The following SLC26A7 variants were observed in gnomAD, a reference collection of about 807,000 sequenced individuals.
SLC26A7 encodes the protein solute carrier family 26 member 7, also known as anion exchange transporter.
In SLC26A7, 59 loss-of-function variants were observed where a neutral mutation model predicts 82.5. The ratio of observed to expected loss-of-function variants is 0.72; its 90% CI spans 0.58 to 0.89. The LOEUF (loss-of-function observed/expected upper bound fraction) is 0.89, where lower values mean the gene tolerates loss of function less well. SLC26A7 is among the 40% of genes least tolerant of loss of function. The pLI is 0.00. For synonymous variants in SLC26A7, 271 were observed against 274.3 expected (o/e 0.99, Z 0.12); for missense variants, 820 against 793.0 (o/e 1.03, Z -0.41).
intron 11 of SLC26A7, among the ~76,000 whole-genome samples, chr8:91,359,501 G>A (rs1344186240): frequency 1.3e-5 from 2 of 152,178 alleles, no homozygotes; most frequent in Non-Finnish European, 2.9e-5. Context: ...CTCCTACTTA[G>A]ACGTGATAGT....
chr8:91,387,696 T>C lies in SLC26A7; in HGVS notation c.1676-1642T>C, dbSNP rs4624989. ...TCTTCCCTGATTACTCCAAAGAGAC[T>C]ACTCTGTTTTGTAAATTCACATTTT... On this transcript the variant is annotated intron_variant, in intron 15 of 18. Coordinates refer to ENST00000276609, the MANE Select transcript of SLC26A7 (RefSeq NM_052832.4). Among the ~76,000 whole-genome samples the C allele has an allele frequency of 7.7e-3, 1,180 of 152,354 alleles. 11 individuals are homozygous for C. Among genetic ancestry groups the C allele is most frequent in the African/African-American group, 0.026 (1,098 of 41,570 alleles).
At chr8:91,329,961 A>G (rs1225525588) in intron 5 of SLC26A7, among the ~76,000 whole-genome samples, 1 of 152,152 alleles carries the variant, frequency 6.6e-6, no homozygotes, top group Admixed American at 6.6e-5. Flanking sequence ...GTTATCATCC[A>G]CAACATAGAG....
At chr8:91,257,183 T>C (rs951989752) in intron 2 of SLC26A7, among the ~76,000 whole-genome samples, 2 of 152,138 alleles carry the variant, frequency 1.3e-5, no homozygotes, top group African/African-American at 2.4e-5. Context: ...CCCTGCTACA[T>C]AGAGTAGCTT....
At position 91,234,791 on chromosome 8, in the gene SLC26A7, C is replaced by CCCTCCCTA. The variant is rs1810363761; in HGVS notation, c.-33-14825_-33-14824insCCCTACCT. 2.0e-4 allele frequency among the ~76,000 whole-genome samples: 24 copies of CCCTCCCTA among 121,528 alleles called. No individual in the cohort carries two copies. The Middle Eastern group carries it at 0.015, about 78-fold the overall frequency. 79.7% of individuals were successfully genotyped at this position (121,528 alleles called of 152,430 possible). On this transcript the variant is annotated intron_variant, in intron 2 of 5. Transcript: ENST00000522862. ...TCCTTCCTTCCTTCCTTCCCTCCCT[C>CCCTCCCTA]CCTACCTACCTACCTACCTACCTAC...
At chr8:91,356,673 G>T (rs1357297577) in intron 11 of SLC26A7, among the ~76,000 whole-genome samples, 1 of 152,150 alleles carries the variant, frequency 6.6e-6, no homozygotes, top group Non-Finnish European at 1.5e-5. Flanking sequence ...CTCCCATTTT[G>T]TAGGTTGTCT....
chr8:91,305,882 A>G (rs1291458246), intron 4 of SLC26A7, among the ~76,000 whole-genome samples: 1 of 152,108 alleles, frequency 6.6e-6, no homozygotes, highest in Non-Finnish European at 1.5e-5. Flanking sequence ...TTATACCAAC[A>G]CTTTAAATGG....
rs536921615 is a variant in SLC26A7, at chr8:91,328,644, T to C, written c.643-5651T>C. Among the ~76,000 whole-genome samples, 5 of 152,256 alleles carry C rather than the reference T, an allele frequency of 3.3e-5. No homozygotes were observed. In the East Asian group the frequency reaches 9.6e-4, roughly 29 times the overall value. ...TTCATTCAACAAAATTTATTGAGTATCTACTTTTTTCCCAGACACCATTCT... is the reference window on the plus strand; with the variant it reads ...TTCATTCAACAAAATTTATTGAGTACCTACTTTTTTCCCAGACACCATTCT... On this transcript the variant is annotated intron_variant, in intron 5 of 18. Coordinates refer to ENST00000276609, the MANE Select transcript of SLC26A7 (RefSeq NM_052832.4).
At chr8:91,375,907 A>G (rs527269145) in intron 15 of SLC26A7, among the ~76,000 whole-genome samples, 1 of 151,624 alleles carries the variant, frequency 6.6e-6, no homozygotes, top group Admixed American at 6.6e-5. Flanking sequence ...CATAATTTCA[A>G]ATTTCTTAAA....
chr8:91,257,041 T>C (rs1220711917), intron 2 of SLC26A7, among the ~76,000 whole-genome samples: 1 of 152,086 alleles, frequency 6.6e-6, no homozygotes, highest in Admixed American at 6.6e-5. Flanking sequence ...CCCCTCAGGC[T>C]GCCCCTTCCC....
Position 91,340,442 on chromosome 8 carries a change from C to G in SLC26A7, c.917C>G (p.Ser306Cys), listed in dbSNP as rs755461565. Reference sequence around the variant, plus strand: ...AGAGCTCCCCCGATGAACATCCTCTCTGCGGTGATCACTGAAGCTTTCGGA... The same window carrying G: ...AGAGCTCCCCCGATGAACATCCTCTGTGCGGTGATCACTGAAGCTTTCGGA... ...SPRAPPMNIL[S>C]AVITEAFGVA... Residue 306 changes from serine to cysteine, a missense_variant, in exon 8 of 19, where the codon TCT (serine) becomes TGT (cysteine). Transcript: ENST00000276609. 6.2e-7 allele frequency: 1 copy of G among 1,614,008 alleles called. No individual in the cohort carries two copies. Among genetic ancestry groups the G allele is most frequent in the East Asian group, 2.2e-5 (1 of 44,870 alleles).
At chr8:91,388,918 G>A (rs980704867) in intron 15 of SLC26A7, among the ~76,000 whole-genome samples, 5 of 152,026 alleles carry the variant, frequency 3.3e-5, no homozygotes, top group African/African-American at 9.7e-5. Flanking sequence ...ACAAAACGGG[G>A]CTCTACTCCG....
rs753604205 is a variant in SLC26A7, at chr8:91,340,427, C to G, written c.902C>G (p.Pro301Arg). The G allele has an allele frequency of 2.1e-5, 34 of 1,613,752 alleles. No individual in the cohort carries two copies. Among genetic ancestry groups the G allele is most frequent in the Admixed American group, 1.0e-4 (6 of 59,964 alleles). Residue 301 changes from proline (P) to arginine (R), a missense_variant, in exon 8 of 19, where the codon CCG (proline) becomes CGG (arginine). Coordinates refer to ENST00000276609, the MANE Select transcript of SLC26A7 (RefSeq NM_052832.4). ...PQGIPSPRAP[P>R]MNILSAVITE... ...AGAATTCCCTCACCTAGAGCTCCCC[C>G]GATGAACATCCTCTCTGCGGTGATC... is the stretch of plus-strand genomic sequence containing the variant.
At chr8:91,291,254 T>G (rs1040388359) in intron 3 of SLC26A7, among the ~76,000 whole-genome samples, 3 of 152,148 alleles carry the variant, frequency 2.0e-5, no homozygotes, top group African/African-American at 7.2e-5. Flanking sequence ...TTCTGTGAGA[T>G]CACAGATTAA....
At chr8:91,235,632 A>T (rs1459788000) in intron 2 of SLC26A7, among the ~76,000 whole-genome samples, 2 of 152,180 alleles carry the variant, frequency 1.3e-5, no homozygotes, top group African/African-American at 4.8e-5. Flanking sequence ...GGATTTCAAA[A>T]GTATACCTAA....
At chr8:91,393,132 A>G (rs1323817657) in intron 16 of SLC26A7, among the ~76,000 whole-genome samples, 1 of 152,160 alleles carries the variant, frequency 6.6e-6, no homozygotes. Flanking sequence ...ATCCTCTGGT[A>G]ACTAAAACGC....
chr8:91,332,349 T>G (rs1406159538), intron 5 of SLC26A7, among the ~76,000 whole-genome samples: 1 of 143,334 alleles, frequency 7.0e-6, no homozygotes, highest in Non-Finnish European at 1.5e-5. Context: ...ATAATATATA[T>G]AAATTTATAA....
At position 91,357,382 on chromosome 8, in the gene SLC26A7, G is replaced by A. The variant is rs187388968; in HGVS notation, c.1314+4386G>A. 4.6e-5 allele frequency: 7 copies of A among 152,212 alleles called. No individual in the cohort carries two copies. In the East Asian group the frequency reaches 1.4e-3, roughly 29 times the overall value. The allele number at this position is 152,212 out of a possible 1,614,324, so 9.4% of individuals were successfully genotyped here. A position where few individuals can be genotyped will look rare whatever the true frequency, so the allele number is the denominator to read the frequency against. Reference sequence around the variant, plus strand: ...GTTTTGACCATGTTCTGGCTTCATTGATGCTGATTTTTTCCCTTCTATGTT... The same window carrying A: ...GTTTTGACCATGTTCTGGCTTCATTAATGCTGATTTTTTCCCTTCTATGTT... On this transcript the variant is annotated intron_variant, in intron 11 of 18. Transcript: ENST00000276609.
At chr8:91,369,911 TCTC>T in intron 15 of SLC26A7, 78 bp downstream of exon 15, 1 of 1,126,776 alleles carries the variant, frequency 8.9e-7, no homozygotes, top group South Asian at 1.4e-5. Context: ...TTCTTCCCCT[TCTC>T]CTCCTCATCT....
intron 15 of SLC26A7, among the ~76,000 whole-genome samples, chr8:91,381,750 A>ATC (rs1286644568): frequency 6.6e-6 from 1 of 151,888 alleles, no homozygotes; most frequent in East Asian, 1.9e-4. Context: ...CAGTCCTCTT[A>ATC]TCTCTCTCTC....
Sources: gnomAD v4.1 joint callset for allele counts (sites outside exome capture counted in the v4.1 genomes callset) on GRCh38, gnomAD v4.1.1 for gene constraint, MANE v1.5 for transcripts, NCBI Gene and HGNC (gene_info 2026-07-23, HGNC 2026-07-21) for gene names.